SLX4IP: variants seen among roughly 807,000 people sequenced by gnomAD.
The protein encoded by SLX4IP is SLX4 interacting protein, also known as protein SLX4IP.
SLX4IP carries 34 observed loss-of-function variants against 32.9 expected under a neutral mutation model. The observed-to-expected ratio is 1.03, with a 90% CI of 0.79 to 1.38. The LOEUF (loss-of-function observed/expected upper bound fraction) is 1.38, where lower values mean the gene tolerates loss of function less well. Among genes scored for constraint, SLX4IP ranks in the 40% most tolerant of loss-of-function variants. The pLI is 0.00. For missense variants in SLX4IP, 444 were observed against 479.0 expected, an observed-to-expected ratio of 0.93 and a Z score of 0.68; for synonymous variants, 172 against 171.7, an observed-to-expected ratio of 1.00 and a Z score of -0.01.
intron 2 of SLX4IP, among the ~76,000 whole-genome samples, chr20:10,537,902 T>C (rs1376842764): frequency 6.6e-6 from 1 of 152,212 alleles, no homozygotes; most frequent in Non-Finnish European, 1.5e-5. Context: ...TTTTAATTCC[T>C]TTCTCCCTGC....
Position 10,623,756 on chromosome 20 carries a change from C to T in SLX4IP, c.*377C>T, listed in dbSNP as rs1223199155. 4 of 185,032 alleles carry T rather than the reference C, an allele frequency of 2.2e-5. No homozygotes were observed. In the South Asian group the frequency reaches 4.0e-4, roughly 19 times the overall value. 11.5% of individuals were successfully genotyped at this position (185,032 alleles called of 1,614,324 possible). A position where few individuals can be genotyped will look rare whatever the true frequency, so the allele number is the denominator to read the frequency against. On this transcript the variant is annotated 3_prime_UTR_variant, in exon 8 of 8. Transcript: ENST00000334534. ...ATGGACCGTGCAAAGACAGTGCTGC[C>T]GTGCTGCCTTTCAGCTCCAGGGGTA...
intron 2 of SLX4IP, among the ~76,000 whole-genome samples, chr20:10,473,962 A>G (rs1174581414): frequency 6.6e-6 from 1 of 152,080 alleles, no homozygotes; most frequent in Non-Finnish European, 1.5e-5. Context: ...AGCTGGGATT[A>G]CAGACACACG....
intron 1 of SLX4IP, among the ~76,000 whole-genome samples, chr20:10,450,527 T>C (rs1462814951): frequency 6.6e-6 from 1 of 152,242 alleles, no homozygotes. Flanking sequence ...CTTCATTAAA[T>C]ATTTTTCTAA....
At chr20:10,459,873 TC>T (rs1479649331) in intron 2 of SLX4IP, among the ~76,000 whole-genome samples, 1 of 152,222 alleles carries the variant, frequency 6.6e-6, no homozygotes, top group African/African-American at 2.4e-5. Context: ...TGTTGGTGTT[TC>T]TTTAGGACAT....
chr20:10,511,816 C>A (rs72623521), intron 2 of SLX4IP, among the ~76,000 whole-genome samples: 4 of 152,164 alleles, frequency 2.6e-5, no homozygotes, highest in Non-Finnish European at 4.4e-5. Context: ...TTCTTCTTCT[C>A]TAGTAAATAG....
chr20:10,622,868 A>C lies in SLX4IP; in HGVS notation c.716A>C (p.Lys239Thr), dbSNP rs763317555. 9 of 1,614,090 alleles carry C rather than the reference A, an allele frequency of 5.6e-6. No homozygotes were observed. In the South Asian group the frequency reaches 9.9e-5, roughly 18 times the overall value. ...AESHWGLPVQKLEKVNQTQPE... is the reference protein window; with the variant it reads ...AESHWGLPVQTLEKVNQTQPE... ...AGCCACTGGGGGCTTCCTGTTCAAA[A>C]GCTGGAAAAAGTTAATCAGACCCAG... is the stretch of plus-strand genomic sequence containing the variant. Residue 239 changes from lysine (K) to threonine (T), a missense_variant, in exon 8 of 8, where the codon AAG (lysine) becomes ACG (threonine). Coordinates refer to ENST00000334534, the MANE Select transcript of SLX4IP (RefSeq NM_001009608.3).
chr20:10,572,007 G>A (rs2066472511), intron 4 of SLX4IP, among the ~76,000 whole-genome samples: 1 of 152,146 alleles, frequency 6.6e-6, no homozygotes, highest in Admixed American at 6.6e-5. Flanking sequence ...GTCTTTGTTA[G>A]TATTACTATC....
intron 2 of SLX4IP, among the ~76,000 whole-genome samples, chr20:10,539,817 T>G (rs2066083223): frequency 6.6e-6 from 1 of 151,240 alleles, no homozygotes; most frequent in Admixed American, 6.6e-5. Flanking sequence ...ACCCCGAGAG[T>G]CTGATTTGAT....
chr20:10,470,062 C>T lies in SLX4IP; in HGVS notation c.27+11831C>T, dbSNP rs200831555. Among the ~76,000 whole-genome samples the T allele has an allele frequency of 3.9e-5, 6 of 152,272 alleles. No individual in the cohort carries two copies. In the East Asian group the frequency reaches 5.8e-4, roughly 15 times the overall value. On this transcript the variant is annotated intron_variant, in intron 2 of 7. Coordinates refer to ENST00000334534, the MANE Select transcript of SLX4IP (RefSeq NM_001009608.3). ...GATTCAGGAACCTGGAGATGATGGT[C>T]GGAGAGTAAGGATCCTCTTTGTCCT...
rs2066797288 is a variant in SLX4IP, at chr20:10,598,280, AT to A, written c.239-393del. ...TTTATTCTTTCATTTACTAATTATT[AT>A]TATTTTAGATAGAGTCTCGCTCTGT... is the stretch of plus-strand genomic sequence containing the variant. On this transcript the variant is annotated intron_variant, in intron 4 of 7. Transcript: ENST00000334534. Among the ~76,000 whole-genome samples the A allele has an allele frequency of 2.0e-5, 3 of 152,066 alleles. No homozygotes were observed. The South Asian group carries it at 6.2e-4, about 32-fold the overall frequency.
At position 10,620,945 on chromosome 20, in the gene SLX4IP, A is replaced by G. The variant is rs2067103428; in HGVS notation, c.406-369A>G. Among the ~76,000 whole-genome samples the G allele has an allele frequency of 4.8e-5, 7 of 145,208 alleles. No homozygotes were observed. In the South Asian group the frequency reaches 1.5e-3, roughly 32 times the overall value. On this transcript the variant is annotated intron_variant, in intron 6 of 7. Transcript: ENST00000334534. ...GACCACTGTGTCACCAGGTCTTGCT[A>G]GAAGAACAGAGCTCACAGGCACGTT...
chr20:10,601,647 T>G (rs2066843222), intron 5 of SLX4IP, 84 bp from the exon 6 acceptor site: 1 of 1,188,054 alleles, frequency 8.4e-7, no homozygotes, highest in African/African-American at 1.5e-5. Context: ...TGCAGTAACT[T>G]AAAATGAACA....
intron 6 of SLX4IP, among the ~76,000 whole-genome samples, chr20:10,607,746 T>C (rs1343392051): frequency 6.6e-6 from 1 of 152,012 alleles, no homozygotes; most frequent in Non-Finnish European, 1.5e-5. Context: ...TTAGTTTCTC[T>C]AGACTAAGAT....
chr20:10,614,068 C>T lies in SLX4IP; in HGVS notation c.406-7246C>T, dbSNP rs532329165. ...AAGCAGCGGGTGGCGTCCTCCTTGT[C>T]GCCCTCGCCCACCCGGTCCAGGTGT... On this transcript the variant is annotated intron_variant, in intron 6 of 7. Coordinates refer to ENST00000334534, the MANE Select transcript of SLX4IP (RefSeq NM_001009608.3). The T allele has an allele frequency of 8.1e-5, 125 of 1,542,530 alleles. 1 individual carries two copies. The African/African-American group carries it at 1.2e-3, about 15-fold the overall frequency.
At position 10,557,176 on chromosome 20, in the gene SLX4IP, G is replaced by T. The variant is rs139735765; in HGVS notation, c.117+856G>T. Among the ~76,000 whole-genome samples the T allele has an allele frequency of 4.7e-4, 71 of 152,234 alleles. No homozygotes were observed. In the Middle Eastern group the frequency reaches 0.014, roughly 29 times the overall value. On this transcript the variant is annotated intron_variant, in intron 3 of 7. Transcript: ENST00000334534. ...GATTTGTTAAAATATAGTATATGGC[G>T]AAGAAACTATTGACAGTGGTGAAAA...
chr20:10,540,125 TTCC>T (rs1555813095), intron 2 of SLX4IP, among the ~76,000 whole-genome samples: 1 of 149,770 alleles, frequency 6.7e-6, no homozygotes, highest in South Asian at 2.2e-4. Context: ...CCTTCCTTCC[TTCC>T]TTCCTTCCTT....
intron 1 of SLX4IP, among the ~76,000 whole-genome samples, chr20:10,451,812 C>T (rs2065244737): frequency 6.6e-6 from 1 of 151,574 alleles, no homozygotes; most frequent in African/African-American, 2.4e-5. Context: ...ACTAAAAATA[C>T]AAAAAATTAG....
rs148190882 is a variant in SLX4IP at position 10,553,037 on chromosome 20, A to G, written c.28-3194A>G. ...TTATTCCAGAATCCTTGGAACTTCA[A>G]TGGGCCTGTGATTGAATTCAGAGGC... On this transcript the variant is annotated intron_variant, in intron 2 of 7. Coordinates refer to ENST00000334534, the MANE Select transcript of SLX4IP (RefSeq NM_001009608.3). Among the ~76,000 whole-genome samples the G allele has an allele frequency of 9.4e-3, 1,427 of 152,300 alleles. 26 individuals are homozygous for G. Among genetic ancestry groups the G allele is most frequent in the African/African-American group, 0.032 (1,344 of 41,558 alleles).
At chr20:10,443,508 A>C (rs908262706) in intron 1 of SLX4IP, among the ~76,000 whole-genome samples, 8 of 152,308 alleles carry the variant, frequency 5.3e-5, no homozygotes, top group African/African-American at 1.9e-4. Context: ...TGGGTCTCAG[A>C]GGATAACTCA....
Sources: gnomAD v4.1 joint callset for allele counts (sites outside exome capture counted in the v4.1 genomes callset) on GRCh38, gnomAD v4.1.1 for gene constraint, MANE v1.5 for transcripts, NCBI Gene and HGNC (gene_info 2026-07-23, HGNC 2026-07-21) for gene names.